DNAH6: variants seen among roughly 807,000 people sequenced by gnomAD.
DNAH6 encodes the protein axonemal beta dynein heavy chain 6.
DNAH6 carries 340 observed loss-of-function variants against 491.4 expected under a neutral mutation model. That is an observed-to-expected ratio of 0.69 (90% CI 0.63 to 0.76). The LOEUF (loss-of-function observed/expected upper bound fraction) is 0.76. Among genes scored for constraint, DNAH6 ranks in the 30% least tolerant of loss-of-function variants. The probability of loss-of-function intolerance (pLI) is 0.00; values close to 1 mark genes in which losing one functional copy is unlikely to be tolerated. For synonymous variants in DNAH6, 1,603 were observed against 1,686.1 expected (o/e 0.95, Z 1.21); for missense variants, 4,443 against 4,972.2 (o/e 0.89, Z 3.20).
At chr2:84,655,095 C>T (rs1332848415) in intron 35 of DNAH6, among the ~76,000 whole-genome samples, 2 of 151,980 alleles carry the variant, frequency 1.3e-5, no homozygotes, top group African/African-American at 4.8e-5. Flanking sequence ...GCTACAACAG[C>T]CTGAGGCATT....
chr2:84,656,140 T>C (rs1690948335), intron 35 of DNAH6, among the ~76,000 whole-genome samples: 1 of 152,148 alleles, frequency 6.6e-6, no homozygotes, highest in Non-Finnish European at 1.5e-5. Context: ...GGTAGCTTAT[T>C]TCTTTTTAGC....
In DNAH6 at chr2:84,672,488, A is replaced by T. The variant is rs1264233699; in HGVS notation, c.6612+4A>T. The T allele has an allele frequency of 1.3e-6, 2 of 1,545,622 alleles. No individual in the cohort carries two copies. Among genetic ancestry groups the T allele is most frequent in the African/African-American group, 2.8e-5 (2 of 72,664 alleles). On this transcript the variant is annotated splice_donor_region_variant and intron_variant, in intron 40 of 76. Coordinates refer to ENST00000389394, the MANE Select transcript of DNAH6 (RefSeq NM_001370.2). Reference sequence around the variant, plus strand: ...ACTGTTTTGGAAAGAAATACAGGTTACTTTAGCTTTTAAATTACTTGGTGT... The same window carrying T: ...ACTGTTTTGGAAAGAAATACAGGTTTCTTTAGCTTTTAAATTACTTGGTGT...
intron 69 of DNAH6, 114 bp downstream of exon 69, chr2:84,796,539 C>G (rs1338979274): frequency 6.0e-6 from 5 of 838,080 alleles, no homozygotes; most frequent in Non-Finnish European, 8.7e-6. Flanking sequence ...GCTGTTATAG[C>G]CACACCCTAT....
At chr2:84,563,879 G>A (rs1364031752) in intron 11 of DNAH6, among the ~76,000 whole-genome samples, 2 of 152,150 alleles carry the variant, frequency 1.3e-5, no homozygotes, top group Non-Finnish European at 2.9e-5. Flanking sequence ...TGTATATTAG[G>A]AAAGGTAGAG....
Position 84,595,681 on chromosome 2 carries a change from C to A in DNAH6, c.2760C>A (p.Asn920Lys). 6.4e-7 allele frequency: 1 copy of A among 1,550,544 alleles called. No individual in the cohort carries two copies. The highest frequency in any genetic ancestry group is 8.7e-7 in the Non-Finnish European group (1 of 1,146,466). ...ATTGCCTGGATCCAGAAGTCCTAAA[C>A]GGTCAAGTTTCTAAATATGCTAAAT... is the stretch of plus-strand genomic sequence containing the variant. ...KFDCLDPEVLNGQVSKYAKFV... is the reference protein window; with the variant it reads ...KFDCLDPEVLKGQVSKYAKFV... The change falls in exon 18 of 77, where the codon AAC (asparagine) becomes AAA (lysine). Residue 920 changes from asparagine (N) to lysine (K), a missense_variant. This residue lies in a region of DNAH6 where 2,977 missense variants were observed against 3,296.6 expected (regional missense o/e 0.90). Coordinates refer to ENST00000389394, the MANE Select transcript of DNAH6 (RefSeq NM_001370.2).
intron 70 of DNAH6, among the ~76,000 whole-genome samples, chr2:84,799,822 A>G (rs766648736): frequency 6.6e-6 from 1 of 152,236 alleles, no homozygotes; most frequent in Non-Finnish European, 1.5e-5. Flanking sequence ...ATGGACTTAA[A>G]GAGGGAGCGT....
intron 51 of DNAH6, among the ~76,000 whole-genome samples, chr2:84,705,194 C>T (rs554842974): frequency 8.5e-4 from 130 of 152,214 alleles, no homozygotes; most frequent in African/African-American, 2.9e-3. Flanking sequence ...TGAGTGCCTG[C>T]GGCGTTTTAA....
intron 30 of DNAH6, among the ~76,000 whole-genome samples, chr2:84,635,411 C>G (rs554655365): frequency 1.3e-5 from 2 of 152,188 alleles, no homozygotes; most frequent in Admixed American, 6.5e-5. Context: ...TTCATAGACA[C>G]CAAAAATTAT....
chr2:84,727,639 G>T, intron 60 of DNAH6, 30 bp from the exon 61 acceptor site: 1 of 1,354,674 alleles, frequency 7.4e-7, no homozygotes, highest in South Asian at 1.3e-5. Flanking sequence ...AATTAAATCA[G>T]AGACATTGAT....
intron 16 of DNAH6, among the ~76,000 whole-genome samples, chr2:84,591,486 A>C (rs966939829): frequency 6.6e-6 from 1 of 152,160 alleles, no homozygotes; most frequent in Non-Finnish European, 1.5e-5. Context: ...AAGATATCCC[A>C]TGTTCATTGA....
the DNAH6 span, among the ~76,000 whole-genome samples, chr2:84,479,282 C>T: frequency 1.1e-4 from 16 of 152,186 alleles, no homozygotes; most frequent in Admixed American, 7.9e-4. Flanking sequence ...TTAGACTTTT[C>T]GGCTTGAGGG....
chr2:84,629,740 C>CT (rs1688225194), intron 29 of DNAH6, among the ~76,000 whole-genome samples: 1 of 152,106 alleles, frequency 6.6e-6, no homozygotes, highest in African/African-American at 2.4e-5. Flanking sequence ...TCTTAAGTAC[C>CT]TTTTCCTACT....
chr2:84,697,506 T>C, intron 46 of DNAH6, 69 bp from the exon 47 acceptor site: 4 of 1,396,290 alleles, frequency 2.9e-6, no homozygotes, highest in Non-Finnish European at 2.9e-6. Context: ...AATTTTAGAA[T>C]AAATATTTGC....
intron 68 of DNAH6, among the ~76,000 whole-genome samples, chr2:84,794,673 A>T (rs2105277879): frequency 6.9e-6 from 1 of 145,466 alleles, no homozygotes; most frequent in South Asian, 2.3e-4. Flanking sequence ...AAAAGTCAGG[A>T]AACAACAGGT....
chr2:84,672,560 T>G (rs1295493880), intron 40 of DNAH6, 76 bp downstream of exon 40: 21 of 1,353,148 alleles, frequency 1.6e-5, no homozygotes, highest in Non-Finnish European at 2.1e-5. Context: ...TTTGTGAGAC[T>G]ACCATAACAA....
chr2:84,694,706 G>A (rs1443999721), intron 46 of DNAH6, among the ~76,000 whole-genome samples: 1 of 152,088 alleles, frequency 6.6e-6, no homozygotes, highest in Non-Finnish European at 1.5e-5. Context: ...AGGTCGAGGA[G>A]GTAAGTTTTT....
chr2:84,673,486 G>A (rs1474532721), intron 40 of DNAH6, among the ~76,000 whole-genome samples: 1 of 152,192 alleles, frequency 6.6e-6, no homozygotes, highest in African/African-American at 2.4e-5. Context: ...AGATCAGCAG[G>A]ACTGGTGGTG....
intron 14 of DNAH6, among the ~76,000 whole-genome samples, chr2:84,582,505 G>C (rs1014970757): frequency 5.3e-5 from 8 of 152,194 alleles, no homozygotes; most frequent in African/African-American, 1.9e-4. Context: ...GGCCTGGAGT[G>C]CAGTGGCGCC....
rs1277368816 is a variant in DNAH6, at chr2:84,775,057, T to C, written c.10704-6436T>C. Among the ~76,000 whole-genome samples the C allele has an allele frequency of 3.9e-5, 6 of 152,174 alleles. 1 individual carries two copies. The East Asian group carries it at 1.2e-3, about 29-fold the overall frequency. ...CCAGTACTATGTTAAAAAGGAGTGA[T>C]GAGAGTAGGAATCCTTGTCTTGTTC... On this transcript the variant is annotated intron_variant, in intron 64 of 76. Transcript: ENST00000389394.
Sources: allele counts gnomAD v4.1 joint callset (sites outside exome capture counted in the v4.1 genomes callset), GRCh38; gene constraint gnomAD v4.1.1; regional missense constraint gnomAD v4.1.1; transcripts MANE v1.5; gene names NCBI Gene and HGNC (gene_info 2026-07-23, HGNC 2026-07-21).